MED16: variants seen among roughly 807,000 people sequenced by gnomAD.
MED16 encodes the protein mediator of RNA polymerase II transcription subunit 16.
A neutral mutation model predicts 84.4 loss-of-function variants in MED16; 81 were observed. The observed-to-expected ratio is 0.96, with a 90% CI of 0.80 to 1.15. The LOEUF is 1.15. MED16 is among the 50% of genes most tolerant of loss of function. The pLI is 0.00. For missense variants in MED16, 1,585 were observed against 1,245.9 expected, an observed-to-expected ratio of 1.27 and a Z score of -4.10; for synonymous variants, 897 against 552.2, an observed-to-expected ratio of 1.62 and a Z score of -8.76.
chr19:884,834 G>C, intron 6 of MED16, 69 bp downstream of exon 6: 1 of 1,262,458 alleles, frequency 7.9e-7, no homozygotes, highest in Non-Finnish European at 1.1e-6. Context: ...AGCAAGACCT[G>C]CCTCCAAAAT....
chr19:868,333 G>A, intron 15 of MED16, 82 bp from the exon 16 acceptor site: 1 of 1,591,042 alleles, frequency 6.3e-7, no homozygotes, highest in Admixed American at 1.8e-5. Flanking sequence ...CTCAGGGGCA[G>A]CTGAGGGGTA....
At chr19:872,451 G>A (rs1277652377) in intron 11 of MED16, among the ~76,000 whole-genome samples, 10 of 152,054 alleles carry the variant, frequency 6.6e-5, no homozygotes, top group Non-Finnish European at 5.9e-5. Context: ...CGGGCCCCTG[G>A]TGACTGTACT....
chr19:881,069 T>TCCAGGGAA (rs1178745134), intron 7 of MED16, among the ~76,000 whole-genome samples: 17 of 151,854 alleles, frequency 1.1e-4, no homozygotes, highest in Admixed American at 2.0e-4. Flanking sequence ...AAATGCTCTT[T>TCCAGGGAA]CCAGGGAACC....
chr19:868,340 GGTAGCTGAGGA>G (rs3217342), intron 15 of MED16, 65 bp downstream of exon 15: 240 of 1,591,146 alleles, frequency 1.5e-4, no homozygotes, highest in East Asian at 2.0e-4. Context: ...GCAGCTGAGG[GGTAGCTGAGGA>G]GTAGCTGAGG....
intron 2 of MED16, 124 bp downstream of exon 2, chr19:890,839 G>C (rs1167586199): frequency 1.5e-5 from 16 of 1,064,832 alleles, no homozygotes; most frequent in Non-Finnish European, 2.1e-5. Context: ...TTACAGAGGA[G>C]GGCCAGGGTG....
At chr19:890,490 T>C (rs2036611273) in intron 2 of MED16, 3 of 436,202 alleles carry the variant, frequency 6.9e-6, no homozygotes, top group African/African-American at 2.0e-5. Flanking sequence ...ATGTGAACAG[T>C]GGGAGCCTCT....
intron 6 of MED16, among the ~76,000 whole-genome samples, chr19:883,620 G>A (rs552565472): frequency 6.6e-6 from 1 of 152,262 alleles, no homozygotes; most frequent in African/African-American, 2.4e-5. Context: ...GCGGGTAACA[G>A]CTGGGCCAGC....
At chr19:879,760 C>T (rs1599332301) in intron 8 of MED16, among the ~76,000 whole-genome samples, 177 bp downstream of exon 8, 1 of 151,112 alleles carries the variant, frequency 6.6e-6, no homozygotes, top group Admixed American at 6.6e-5. Context: ...TCAATGCCCA[C>T]CAGCCCCAGC....
intron 8 of MED16, among the ~76,000 whole-genome samples, chr19:879,405 C>G (rs946683156): frequency 1.4e-5 from 2 of 141,838 alleles, no homozygotes; most frequent in African/African-American, 5.4e-5. Flanking sequence ...GCTCACCTTT[C>G]CCTGGTTGTC....
chr19:871,155 G>C lies in MED16; in HGVS notation c.2197C>G (p.Pro733Ala). Residue 733 changes from proline to alanine, a missense_variant, in exon 13 of 16, where the codon CCA becomes GCA. Transcript: ENST00000325464. ...QLLIPSLDWL[P>A]ASDGLVSRLQ... The stretch of plus-strand genomic sequence containing the variant: ...CGGCTAACCAGGCCGTCGCTGGCTG[G>C]CAGCCAGTCCAGGCTGGGGATAAGC... The C allele has an allele frequency of 6.5e-7, 1 of 1,548,492 alleles. No homozygotes were observed. The highest frequency in any genetic ancestry group is 1.2e-5 in the South Asian group (1 of 84,052).
chr19:889,573 T>G, intron 4 of MED16, 65 bp downstream of exon 4: 1 of 1,538,936 alleles, frequency 6.5e-7, no homozygotes, highest in South Asian at 1.2e-5. Context: ...GGAGAGGGGC[T>G]GGCGGGTGGC....
chr19:889,709 C>G lies in MED16; in HGVS notation c.376G>C (p.Val126Leu). The G allele has an allele frequency of 6.2e-7, 1 of 1,613,842 alleles. No individual in the cohort carries two copies. The highest frequency in any genetic ancestry group is 8.5e-7 in the Non-Finnish European group (1 of 1,179,954). Residue 126 changes from valine to leucine, a missense_variant, in exon 4 of 16, where the codon GTG becomes CTG. Val to Leu is a conservative substitution (Grantham distance 32). Coordinates refer to ENST00000325464, the MANE Select transcript of MED16 (RefSeq NM_005481.3). ...NSWESSVGSL[V>L]EGDPIVALSW... ...AGGGCCACAATGGGGTCCCCCTCCACTAGGCTGCCCACTGAGCTCTCCCAG... is the reference window on the plus strand; with the variant it reads ...AGGGCCACAATGGGGTCCCCCTCCAGTAGGCTGCCCACTGAGCTCTCCCAG...
At chr19:889,255 T>C (rs1455103265) in intron 4 of MED16, among the ~76,000 whole-genome samples, 2 of 151,968 alleles carry the variant, frequency 1.3e-5, no homozygotes, top group East Asian at 1.9e-4. Flanking sequence ...AGAGGGGCTC[T>C]GGGATGTTAC....
chr19:882,110 C>T (rs545081100), intron 6 of MED16, among the ~76,000 whole-genome samples: 5 of 152,358 alleles, frequency 3.3e-5, no homozygotes, highest in African/African-American at 7.2e-5. Flanking sequence ...TAAAGCCATG[C>T]GGGATGGTCG....
chr19:883,049 C>T (rs1033682171), intron 6 of MED16, among the ~76,000 whole-genome samples: 48 of 152,208 alleles, frequency 3.2e-4, no homozygotes, highest in Admixed American at 2.4e-3. Flanking sequence ...GCTGCCATGA[C>T]GACCACACCC....
intron 13 of MED16, among the ~76,000 whole-genome samples, chr19:869,989 G>T (rs1027133346): frequency 2.0e-5 from 3 of 152,280 alleles, no homozygotes; most frequent in East Asian, 1.9e-4. Flanking sequence ...ACCTCACAGG[G>T]CTGCTGGGCA....
intron 13 of MED16, among the ~76,000 whole-genome samples, chr19:869,411 G>A (rs948182078): frequency 1.7e-4 from 26 of 151,842 alleles, no homozygotes; most frequent in Non-Finnish European, 1.3e-4. Flanking sequence ...AGCTGCCCTC[G>A]GTGGTGGGTG....
At chr19:881,037 T>C (rs951732349) in intron 7 of MED16, among the ~76,000 whole-genome samples, 36 of 152,124 alleles carry the variant, frequency 2.4e-4, no homozygotes, top group African/African-American at 8.5e-4. Context: ...GGAACAGCCC[T>C]GAGCCCCGAG....
intron 9 of MED16, among the ~76,000 whole-genome samples, chr19:876,658 C>T (rs2036238267): frequency 6.6e-6 from 1 of 152,040 alleles, no homozygotes; most frequent in African/African-American, 2.4e-5. Context: ...GGCTACCTGC[C>T]CCTCTTGCCC....
Sources: gnomAD v4.1 joint callset for allele counts (sites outside exome capture counted in the v4.1 genomes callset) on GRCh38, gnomAD v4.1.1 for gene constraint, MANE v1.5 for transcripts, NCBI Gene and HGNC (gene_info 2026-07-23, HGNC 2026-07-21) for gene names.